NEK11: variants seen among roughly 807,000 people sequenced by gnomAD.
The protein encoded by NEK11 is NIMA related kinase 11.
NEK11 carries 72 observed loss-of-function variants against 80.7 expected under a neutral mutation model. That is an observed-to-expected ratio of 0.89 (90% CI 0.74 to 1.08). The LOEUF (loss-of-function observed/expected upper bound fraction) is 1.08, where lower values mean the gene tolerates loss of function less well. Ranked by LOEUF, NEK11 falls within the 50% of genes least tolerant of loss-of-function variation. The pLI, the probability that NEK11 is intolerant of heterozygous loss-of-function variation, is 0.00. For synonymous variants in NEK11, 251 were observed against 260.7 expected, an observed-to-expected ratio of 0.96 and a Z score of 0.36; for missense variants, 764 against 763.6, an observed-to-expected ratio of 1.00 and a Z score of -0.01.
intron 17 of NEK11, among the ~76,000 whole-genome samples, chr3:131,323,610 G>A (rs1442007364): frequency 1.3e-5 from 2 of 152,218 alleles, no homozygotes; most frequent in Admixed American, 1.3e-4. Context: ...GTATGAATAT[G>A]TTTGAATGAG....
intron 9 of NEK11, 41 bp from the exon 10 acceptor site, chr3:131,154,995 G>T (rs2090404847): frequency 8.3e-7 from 1 of 1,204,056 alleles, no homozygotes; most frequent in Admixed American, 1.8e-5. Flanking sequence ...CATCCCTAAA[G>T]AGGAGCCTTT....
intron 17 of NEK11, among the ~76,000 whole-genome samples, chr3:131,291,535 T>G (rs535006607): frequency 6.6e-6 from 1 of 152,328 alleles, no homozygotes; most frequent in East Asian, 1.9e-4. Flanking sequence ...CAAACTGTCT[T>G]CCAAAATGGC....
chr3:131,099,556 G>T lies in NEK11; in HGVS notation c.337-10247G>T, dbSNP rs181119259. Among the ~76,000 whole-genome samples the T allele has an allele frequency of 5.3e-5, 8 of 152,248 alleles. No homozygotes were observed. The East Asian group carries it at 1.5e-3, about 29-fold the overall frequency. The stretch of plus-strand genomic sequence containing the variant: ...GTGTTGAATCTGTAGATTGCTTAGG[G>T]CAGTATGGCTATTTTAACAGTATTG... On this transcript the variant is annotated intron_variant, in intron 4 of 17. Coordinates refer to ENST00000383366, the MANE Select transcript of NEK11 (RefSeq NM_024800.5).
chr3:131,144,332 G>A (rs1463830477), intron 7 of NEK11, among the ~76,000 whole-genome samples: 6 of 152,064 alleles, frequency 3.9e-5, no homozygotes, highest in Non-Finnish European at 7.4e-5. Context: ...AGAAAGAAAT[G>A]CAAATTGTAG....
chr3:131,270,585 A>G (rs1346229461), intron 16 of NEK11, among the ~76,000 whole-genome samples: 1 of 152,198 alleles, frequency 6.6e-6, no homozygotes, highest in Non-Finnish European at 1.5e-5. Flanking sequence ...AGCAACTACT[A>G]TTCATGTTGG....
chr3:131,264,148 TC>T (rs1380968732), intron 16 of NEK11, among the ~76,000 whole-genome samples: 4 of 152,224 alleles, frequency 2.6e-5, no homozygotes, highest in African/African-American at 9.6e-5. Context: ...AAAAATTTTC[TC>T]CCATTCTGTA....
intron 16 of NEK11, among the ~76,000 whole-genome samples, chr3:131,268,237 TTTG>T (rs1196388462): frequency 1.3e-5 from 2 of 152,112 alleles, no homozygotes; most frequent in African/African-American, 4.8e-5. Context: ...CTCAGAGGAG[TTTG>T]TTATTACCCA....
intron 4 of NEK11, among the ~76,000 whole-genome samples, chr3:131,081,987 T>A (rs1004998149): frequency 2.0e-5 from 3 of 152,210 alleles, no homozygotes; most frequent in Non-Finnish European, 2.9e-5. Flanking sequence ...ATATTCCATG[T>A]CTTGGCCATT....
intron 14 of NEK11, among the ~76,000 whole-genome samples, chr3:131,176,445 A>G (rs1023909687): frequency 3.3e-5 from 5 of 152,312 alleles, no homozygotes; most frequent in Middle Eastern, 3.4e-3. Context: ...GCATTTCATA[A>G]TAGTGTTTCC....
intron 12 of NEK11, 142 bp downstream of exon 12, chr3:131,165,661 T>C: frequency 3.2e-6 from 2 of 616,702 alleles, no homozygotes; most frequent in Non-Finnish European, 5.8e-6. Flanking sequence ...GATTCTAGAA[T>C]GTAGGTCAAC....
At chr3:131,334,274 A>T (rs1036765076) in intron 17 of NEK11, among the ~76,000 whole-genome samples, 1 of 152,220 alleles carries the variant, frequency 6.6e-6, no homozygotes, top group African/African-American at 2.4e-5. Flanking sequence ...TGTCTCTCAG[A>T]CCACAGTGCA....
chr3:131,163,809 T>C (rs1037708473), intron 11 of NEK11, among the ~76,000 whole-genome samples: 1 of 152,172 alleles, frequency 6.6e-6, no homozygotes, highest in African/African-American at 2.4e-5. Context: ...TCAATTAAAT[T>C]TTAATAAAGC....
At chr3:131,334,274 A>G (rs1036765076) in intron 17 of NEK11, among the ~76,000 whole-genome samples, 2 of 152,220 alleles carry the variant, frequency 1.3e-5, no homozygotes, top group Admixed American at 1.3e-4. Context: ...TGTCTCTCAG[A>G]CCACAGTGCA....
At chr3:131,252,370 A>C (rs1370901380) in intron 16 of NEK11, among the ~76,000 whole-genome samples, 1 of 152,140 alleles carries the variant, frequency 6.6e-6, no homozygotes, top group East Asian at 1.9e-4. Flanking sequence ...AGAAGAAAGA[A>C]AAACAGACAT....
intron 17 of NEK11, among the ~76,000 whole-genome samples, chr3:131,280,368 C>CTT (rs11394728): frequency 4.6e-5 from 7 of 150,944 alleles, no homozygotes; most frequent in Non-Finnish European, 8.9e-5. Flanking sequence ...GTGCTATGCT[C>CTT]TTTTTTTTTA....
At chr3:131,234,901 C>T (rs1214723274) in intron 15 of NEK11, among the ~76,000 whole-genome samples, 3 of 151,416 alleles carry the variant, frequency 2.0e-5, no homozygotes, top group Non-Finnish European at 4.4e-5. Flanking sequence ...TTGTAGGAGG[C>T]TTAGTCATTA....
Position 131,029,632 on chromosome 3 carries a change from G to T in NEK11, c.-77G>T. 1 of 1,402,814 alleles carries T rather than the reference G, an allele frequency of 7.1e-7. No homozygotes were observed. Among genetic ancestry groups the T allele is most frequent in the South Asian group, 1.3e-5 (1 of 78,190 alleles). 86.9% of individuals were successfully genotyped at this position (1,402,814 alleles called of 1,614,324 possible). A position where few individuals can be genotyped will look rare whatever the true frequency, so the allele number is the denominator to read the frequency against. The stretch of plus-strand genomic sequence containing the variant: ...TTTAAGGAACTGACCAACACTGGAT[G>T]AATTTGACCATTTCTTAGGAGACTG... On this transcript the variant is annotated 5_prime_UTR_variant, in exon 3 of 18. An upstream start codon of the reference 5' UTR is lost. Coordinates refer to ENST00000383366, the MANE Select transcript of NEK11 (RefSeq NM_024800.5).
At chr3:131,336,366 G>T (rs1413126624) in intron 17 of NEK11, among the ~76,000 whole-genome samples, 1 of 152,166 alleles carries the variant, frequency 6.6e-6, no homozygotes, top group African/African-American at 2.4e-5. Context: ...AAGCAATGGA[G>T]AAAGAATTCC....
chr3:131,232,979 G>GGGAA (rs55987547), intron 15 of NEK11, among the ~76,000 whole-genome samples: 11,232 of 132,522 alleles, frequency 0.085, 528 homozygotes, highest in African/African-American at 0.11. Context: ...TATATTTGAG[G>GGGAA]GGAAGGAAGG....
Sources: gnomAD v4.1 joint callset for allele counts (sites outside exome capture counted in the v4.1 genomes callset) on GRCh38, gnomAD v4.1.1 for gene constraint, MANE v1.5 for transcripts, NCBI Gene and HGNC (gene_info 2026-07-23, HGNC 2026-07-21) for gene names.